The following FAHD1 variants were observed in gnomAD, a reference collection of about 807,000 sequenced individuals.
The protein encoded by FAHD1 is FAH domain containing oxaloacetate decarboxylase 1, also known as oxaloacetate tautomerase FAHD1, mitochondrial.
Under a neutral mutation model 12.7 loss-of-function variants are expected in FAHD1, and 14 were observed. The observed-to-expected ratio is 1.10, with a 90% CI of 0.73 to 1.72. FAHD1 has a LOEUF of 1.72. Ranked by LOEUF, FAHD1 falls within the 40% of genes most tolerant of loss-of-function variation. The probability of loss-of-function intolerance (pLI) is 0.00; values close to 1 mark genes in which losing one functional copy is unlikely to be tolerated. For synonymous variants in FAHD1, 153 were observed against 124.9 expected (o/e 1.22, Z -1.50); for missense variants, 351 against 298.9 (o/e 1.17, Z -1.29).
At chr16:1,827,606 C>T (rs781520734) in exon 1 of FAHD1, 2 of 1,613,854 alleles carry the variant, frequency 1.2e-6, no homozygotes, top group South Asian at 1.1e-5. Context: ...AAGAGCTTCA[C>T]GGCGTCCTGC....
downstream of FAHD1, among the ~76,000 whole-genome samples, chr16:1,829,510 A>G (rs1249720457): frequency 2.0e-5 from 3 of 152,286 alleles, no homozygotes; most frequent in East Asian, 1.9e-4. Context: ...TTTGACCACA[A>G]TGCAGGCTGC....
intron 1 of FAHD1, among the ~76,000 whole-genome samples, chr16:1,835,857 TTTTTC>T (rs1222927732): frequency 3.1e-5 from 4 of 127,938 alleles, no homozygotes; most frequent in African/African-American, 6.0e-5. Context: ...TTCCAATTCC[TTTTTC>T]TTTTTTTTTT....
exon 1 of FAHD1, chr16:1,828,132 T>C (rs899561122): frequency 1.2e-5 from 11 of 927,226 alleles, no homozygotes; most frequent in Non-Finnish European, 1.6e-5. Context: ...ATACAAAAAA[T>C]TAGCCGGGCG....
chr16:1,828,640 A>C (rs1065586), exon 1 of FAHD1: 152,371 of 974,762 alleles, frequency 0.16, 12,303 homozygotes, highest in South Asian at 0.2. Context: ...AAATCTCCAC[A>C]AATTACTGGC....
rs1253490508 is a variant in FAHD1 at position 1,834,085 on chromosome 16, TGA to T, written c.628-3925_628-3924del. On this transcript the variant is annotated intron_variant, in intron 1 of 2. Transcript: ENST00000382666. ...AGGCCTTCTAAGAAGGGAGGTCAGATGAGAGAGGCCTTCAGACTCACCCAGAC... is the reference window on the plus strand; with the variant it reads ...AGGCCTTCTAAGAAGGGAGGTCAGATGAGAGGCCTTCAGACTCACCCAGAC... The T allele has an allele frequency of 1.6e-5, 8 of 511,486 alleles. No homozygotes were observed. In the African/African-American group the frequency reaches 1.6e-4, roughly 10 times the overall value. The allele number at this position is 511,486 out of a possible 1,614,324, so 31.7% of individuals were successfully genotyped here. A position where few individuals can be genotyped will look rare whatever the true frequency, so the allele number is the denominator to read the frequency against.
At chr16:1,839,394 G>A (rs1898838122) in exon 3 of FAHD1, 2 of 1,613,926 alleles carry the variant, frequency 1.2e-6, no homozygotes, top group Non-Finnish European at 1.7e-6. Context: ...GTTGCAAGTT[G>A]TGCACATGTT....
At chr16:1,827,343 G>T (rs766536784) in exon 1 of FAHD1, 4 of 1,613,024 alleles carry the variant, frequency 2.5e-6, no homozygotes, top group Non-Finnish European at 3.4e-6. Flanking sequence ...GCAGCGCGGT[G>T]TTGAGCGAGC....
At chr16:1,829,042 C>T (rs1898573902), downstream of FAHD1, 1 of 462,300 alleles carries the variant, frequency 2.2e-6, no homozygotes, top group African/African-American at 2.1e-5. Flanking sequence ...AGTTAATCAG[C>T]AACTGTACTT....
At chr16:1,831,256 G>T (rs183848221), downstream of FAHD1, among the ~76,000 whole-genome samples, 109 of 152,264 alleles carry the variant, frequency 7.2e-4, no homozygotes, top group African/African-American at 2.4e-3. Context: ...CTGTATCTCA[G>T]ATCATGTACC....
intron 1 of FAHD1, among the ~76,000 whole-genome samples, chr16:1,834,638 C>T (rs928605015): frequency 1.1e-4 from 17 of 152,218 alleles, no homozygotes; most frequent in African/African-American, 3.6e-4. Flanking sequence ...GATTAAAAGT[C>T]TAATGTGGCC....
At chr16:1,837,891 A>T in intron 1 of FAHD1, 1 of 1,484,098 alleles carries the variant, frequency 6.7e-7, no homozygotes, top group Non-Finnish European at 9.0e-7. Flanking sequence ...AAAAAATATG[A>T]GACAAATATA....
exon 1 of FAHD1, chr16:1,827,653 G>A: frequency 1.2e-6 from 2 of 1,614,082 alleles, no homozygotes; most frequent in Non-Finnish European, 1.7e-6. Context: ...GAAGATCCCT[G>A]ACCCTCACAA....
exon 1 of FAHD1, chr16:1,828,700 C>A: frequency 1.1e-6 from 1 of 918,052 alleles, no homozygotes; most frequent in Non-Finnish European, 1.3e-6. Flanking sequence ...TCCAGTGAAG[C>A]TGTGTTTACA....
downstream of FAHD1, among the ~76,000 whole-genome samples, chr16:1,832,258 C>T (rs1196753676): frequency 7.0e-6 from 1 of 143,776 alleles, no homozygotes; most frequent in African/African-American, 2.5e-5. Context: ...GCAAGCTCCG[C>T]CTCCCGGGTT....
At chr16:1,833,584 CAG>C (rs1170254316), downstream of FAHD1, among the ~76,000 whole-genome samples, 1 of 116,920 alleles carries the variant, frequency 8.6e-6, no homozygotes, top group African/African-American at 3.4e-5. Context: ...TTTTTTAAGA[CAG>C]AGTCTCGCTC....
chr16:1,831,979 C>G (rs1898627781), downstream of FAHD1, among the ~76,000 whole-genome samples: 2 of 152,042 alleles, frequency 1.3e-5, no homozygotes, highest in Non-Finnish European at 2.9e-5. Flanking sequence ...GGCCGCTGCT[C>G]TACATCATTG....
downstream of FAHD1, chr16:1,828,960 AT>A: frequency 1.0e-6 from 1 of 987,728 alleles, no homozygotes; most frequent in Middle Eastern, 5.2e-4. Flanking sequence ...GAGGAGGGAT[AT>A]TTCCTCCTTG....
At chr16:1,837,243 G>A (rs905336774) in intron 1 of FAHD1, among the ~76,000 whole-genome samples, 2 of 148,820 alleles carry the variant, frequency 1.3e-5, no homozygotes, top group African/African-American at 2.4e-5. Flanking sequence ...GGTGTGGTGG[G>A]ATTAGGATTC....
At chr16:1,834,106 C>T (rs1425470519) in intron 1 of FAHD1, 1 of 578,904 alleles carries the variant, frequency 1.7e-6, no homozygotes, top group African/African-American at 1.9e-5. Flanking sequence ...TTCAGACTCA[C>T]CCAGACCACC....
Sources: allele counts gnomAD v4.1 joint callset (sites outside exome capture counted in the v4.1 genomes callset), GRCh38; gene constraint gnomAD v4.1.1; transcripts MANE v1.5; gene names NCBI Gene and HGNC (gene_info 2026-07-23, HGNC 2026-07-21).